The following VPS13C variants were observed in gnomAD, a reference collection of about 807,000 sequenced individuals.
VPS13C encodes vacuolar protein sorting 13 homolog C.
Under a neutral mutation model 456.8 loss-of-function variants are expected in VPS13C, and 358 were observed. The ratio of observed to expected loss-of-function variants is 0.78; its 90% CI spans 0.72 to 0.86. VPS13C has a LOEUF of 0.86. VPS13C is among the 40% of genes least tolerant of loss of function. The pLI, the probability that VPS13C is intolerant of heterozygous loss-of-function variation, is 0.00. For synonymous variants in VPS13C, 1,578 were observed against 1,486.7 expected (o/e 1.06, Z -1.41); for missense variants, 4,818 against 4,385.4 (o/e 1.10, Z -2.79).
intron 1 of VPS13C, among the ~76,000 whole-genome samples, chr15:62,052,302 G>T (rs529201385): frequency 1.3e-5 from 2 of 152,160 alleles, no homozygotes; most frequent in East Asian, 3.9e-4. Context: ...CATTTTCCAG[G>T]GAGGTGAGCT....
intron 16 of VPS13C, among the ~76,000 whole-genome samples, chr15:61,998,867 A>G (rs1310465755): frequency 1.3e-5 from 2 of 152,210 alleles, no homozygotes; most frequent in African/African-American, 4.8e-5. Context: ...CTCAATGTGA[A>G]GACCTTTATG....
At chr15:61,910,023 T>C (rs2043258879) in intron 64 of VPS13C, among the ~76,000 whole-genome samples, 154 bp downstream of exon 64, 1 of 151,696 alleles carries the variant, frequency 6.6e-6, no homozygotes, top group African/African-American at 2.4e-5. Flanking sequence ...ATATACCTAA[T>C]GTAAATAACA....
intron 78 of VPS13C, 66 bp downstream of exon 78, chr15:61,873,180 C>T: frequency 6.3e-7 from 1 of 1,593,116 alleles, no homozygotes; most frequent in Non-Finnish European, 8.5e-7. Flanking sequence ...CTAAGTTTCA[C>T]ACAACCAGCT....
At chr15:62,020,586 G>A (rs1244052182) in intron 8 of VPS13C, 48 bp from the exon 9 acceptor site, 13 of 1,566,388 alleles carry the variant, frequency 8.3e-6, no homozygotes, top group Non-Finnish European at 8.8e-6. Flanking sequence ...TGGTGAAGGC[G>A]AATCCATGTC....
intron 16 of VPS13C, among the ~76,000 whole-genome samples, chr15:61,993,959 C>CAT (rs113931101): frequency 0.01 from 1,533 of 148,364 alleles, 12 homozygotes; most frequent in African/African-American, 0.027. Context: ...TATTTCAAAG[C>CAT]ATATATATAT....
chr15:62,056,941 C>T (rs1383759326), intron 1 of VPS13C, among the ~76,000 whole-genome samples: 1 of 152,208 alleles, frequency 6.6e-6, no homozygotes, highest in African/African-American at 2.4e-5. Flanking sequence ...GACCCACACT[C>T]TTTACCCTGC....
At chr15:62,009,486 A>G (rs2046972414) in intron 13 of VPS13C, among the ~76,000 whole-genome samples, 1 of 152,150 alleles carries the variant, frequency 6.6e-6, no homozygotes, top group Admixed American at 6.5e-5. Context: ...CTGAACTTAA[A>G]TGTATTTTAA....
chr15:61,857,764 G>A (rs1302748539), intron 82 of VPS13C, among the ~76,000 whole-genome samples: 2 of 152,148 alleles, frequency 1.3e-5, no homozygotes, highest in Non-Finnish European at 2.9e-5. Context: ...CCTCAAGTAT[G>A]GCAGTGGCTC....
intron 20 of VPS13C, among the ~76,000 whole-genome samples, chr15:61,983,041 C>A (rs936768889): frequency 6.6e-6 from 1 of 152,098 alleles, no homozygotes; most frequent in Non-Finnish European, 1.5e-5. Context: ...GCTGTTCAAC[C>A]ATGTGAATGT....
At chr15:62,036,144 C>T (rs2047992892) in intron 3 of VPS13C, among the ~76,000 whole-genome samples, 1 of 151,932 alleles carries the variant, frequency 6.6e-6, no homozygotes, top group Non-Finnish European at 1.5e-5. Context: ...AATTTTTAAA[C>T]TTATATTTAA....
chr15:61,984,119 C>T (rs928189315), intron 19 of VPS13C, 107 bp from the exon 20 acceptor site: 4 of 969,362 alleles, frequency 4.1e-6, no homozygotes, highest in Non-Finnish European at 6.0e-6. Flanking sequence ...CCAGGACCAT[C>T]CATGCACATT....
chr15:61,882,486 C>G, intron 69 of VPS13C, 110 bp downstream of exon 69: 5 of 1,092,012 alleles, frequency 4.6e-6, no homozygotes, highest in South Asian at 7.5e-5. Flanking sequence ...AACATACAAA[C>G]AAAGAAAAGA....
intron 49 of VPS13C, among the ~76,000 whole-genome samples, chr15:61,932,150 G>T: frequency 6.6e-6 from 1 of 152,170 alleles, no homozygotes; most frequent in Admixed American, 6.5e-5. Context: ...TAGGTAAAGA[G>T]TATAAATAGT....
At chr15:62,014,397 A>G (rs2047154761) in intron 9 of VPS13C, among the ~76,000 whole-genome samples, 2 of 152,116 alleles carry the variant, frequency 1.3e-5, no homozygotes, top group South Asian at 2.1e-4. Flanking sequence ...TTCTACAAGG[A>G]CAGCATGTTC....
At chr15:61,871,587 G>T (rs1323079450) in intron 79 of VPS13C, among the ~76,000 whole-genome samples, 4 of 151,726 alleles carry the variant, frequency 2.6e-5, no homozygotes, top group African/African-American at 9.7e-5. Context: ...TTGGCTATCT[G>T]GGATCCCTGG....
At chr15:62,011,468 A>C (rs1405962357) in intron 12 of VPS13C, among the ~76,000 whole-genome samples, 2 of 152,088 alleles carry the variant, frequency 1.3e-5, no homozygotes, top group African/African-American at 4.8e-5. Context: ...TTAGTTATAA[A>C]AGAACACGAA....
At chr15:61,945,285 T>A (rs1420116016) in intron 45 of VPS13C, among the ~76,000 whole-genome samples, 1 of 152,164 alleles carries the variant, frequency 6.6e-6, no homozygotes, top group East Asian at 1.9e-4. Context: ...TACATGGAAA[T>A]AAGTAATAAA....
chr15:61,918,267 A>C lies in VPS13C; in HGVS notation c.7639-10T>G, dbSNP rs753053683. On this transcript the variant is annotated splice_polypyrimidine_tract_variant and intron_variant, in intron 58 of 84. Coordinates refer to ENST00000644861, the MANE Select transcript of VPS13C (RefSeq NM_020821.3). ...AGAAATGGTTTTTGATCTGTTGGAC[A>C]AAAAAAAATACAAGTTTTTTAAAAG... 2 of 1,453,734 alleles carry C rather than the reference A, an allele frequency of 1.4e-6. No individual in the cohort carries two copies. Among genetic ancestry groups the C allele is most frequent in the South Asian group, 2.9e-5 (2 of 70,120 alleles). The allele number at this position is 1,453,734 out of a possible 1,614,324, so 90.1% of individuals were successfully genotyped here. A position where few individuals can be genotyped will look rare whatever the true frequency, so the allele number is the denominator to read the frequency against.
At chr15:61,940,498 A>G in intron 47 of VPS13C, 149 bp downstream of exon 47, 1 of 623,822 alleles carries the variant, frequency 1.6e-6, no homozygotes, top group Non-Finnish European at 2.4e-6. Context: ...AAGTACACAT[A>G]CAACAGACAA....
Sources: gnomAD v4.1 joint callset for allele counts (sites outside exome capture counted in the v4.1 genomes callset) on GRCh38, gnomAD v4.1.1 for gene constraint, MANE v1.5 for transcripts, NCBI Gene and HGNC (gene_info 2026-07-23, HGNC 2026-07-21) for gene names.